Variants in CLDN16 observed in about 807,000 individuals in gnomAD.
CLDN16 encodes the protein claudin 16, also known as claudin-16.
CLDN16 carries 13 observed loss-of-function variants against 24.6 expected under a neutral mutation model. The observed-to-expected ratio is 0.53, with a 90% CI of 0.34 to 0.84. The LOEUF (loss-of-function observed/expected upper bound fraction) is 0.84, where lower values mean the gene tolerates loss of function less well. Among genes scored for constraint, CLDN16 ranks in the 40% least tolerant of loss-of-function variants. CLDN16 has a pLI of 0.01. For missense variants in CLDN16, 298 were observed against 292.7 expected, an observed-to-expected ratio of 1.02 and a Z score of -0.13; for synonymous variants, 116 against 106.7, an observed-to-expected ratio of 1.09 and a Z score of -0.54.
At chr3:190,338,980 C>G (rs980712923) in intron 1 of CLDN16, among the ~76,000 whole-genome samples, 3 of 152,158 alleles carry the variant, frequency 2.0e-5, no homozygotes, top group African/African-American at 7.2e-5. Flanking sequence ...AGCTACCTCA[C>G]CCAGAAATGC....
At chr3:190,408,806 C>T (rs184376147) in intron 4 of CLDN16, among the ~76,000 whole-genome samples, 72 of 144,390 alleles carry the variant, frequency 5.0e-4, no homozygotes, top group Middle Eastern at 7.9e-3. Context: ...ATATACATAC[C>T]GTATATATAC....
Position 190,402,446 on chromosome 3 carries a change from A to C in CLDN16, c.217+7A>C. The C allele has an allele frequency of 6.3e-7, 1 of 1,599,074 alleles. No individual in the cohort carries two copies. Among genetic ancestry groups the C allele is most frequent in the Non-Finnish European group, 8.6e-7 (1 of 1,166,468 alleles). On this transcript the variant is annotated splice_region_variant and intron_variant, in intron 2 of 4. Transcript: ENST00000264734. ...ATACTTGCGGAGCATCCCTGTACGTATGCCTTAGAGCTCACTGCTTGCCAG... is the reference window on the plus strand; with the variant it reads ...ATACTTGCGGAGCATCCCTGTACGTCTGCCTTAGAGCTCACTGCTTGCCAG...
intron 1 of CLDN16, among the ~76,000 whole-genome samples, chr3:190,362,179 T>C (rs1043622586): frequency 6.6e-6 from 1 of 151,976 alleles, no homozygotes; most frequent in Non-Finnish European, 1.5e-5. Context: ...TGTGTGTCCA[T>C]GTCCTTGTTC....
intron 1 of CLDN16, among the ~76,000 whole-genome samples, chr3:190,342,182 C>A (rs1246704322): frequency 2.6e-5 from 4 of 152,162 alleles, no homozygotes; most frequent in Non-Finnish European, 5.9e-5. Flanking sequence ...TCAGGAGCAC[C>A]CCACTCTGCT....
chr3:190,312,737 G>A, the CLDN16 span: 233,570 of 931,762 alleles, frequency 0.25, 29,987 homozygotes, highest in Middle Eastern at 0.33. Flanking sequence ...GAACATGAAA[G>A]TCAACTGGAC....
intron 1 of CLDN16, among the ~76,000 whole-genome samples, chr3:190,342,474 T>TA (rs368261171): frequency 0.039 from 5,957 of 152,172 alleles, 392 homozygotes; most frequent in African/African-American, 0.13. Context: ...TACAATAGCA[T>TA]AAAAATTGAA....
At chr3:190,314,598 T>G in the CLDN16 span, among the ~76,000 whole-genome samples, 25 of 151,768 alleles carry the variant, frequency 1.6e-4, no homozygotes, top group Non-Finnish European at 3.1e-4. Context: ...AGAGATGGGT[T>G]TCACCATGTT....
chr3:190,366,408 T>G (rs1051537609), intron 1 of CLDN16, among the ~76,000 whole-genome samples: 1 of 151,868 alleles, frequency 6.6e-6, no homozygotes, highest in Non-Finnish European at 1.5e-5. Context: ...AGCTGGTTAG[T>G]AGGTGATCTA....
intron 1 of CLDN16, among the ~76,000 whole-genome samples, chr3:190,362,387 A>G (rs2108642163): frequency 6.6e-6 from 1 of 152,010 alleles, no homozygotes; most frequent in South Asian, 2.1e-4. Flanking sequence ...ACAGCAAGAA[A>G]ACCTCACTTC....
At chr3:190,395,962 C>T (rs548095745) in intron 1 of CLDN16, among the ~76,000 whole-genome samples, 1 of 152,070 alleles carries the variant, frequency 6.6e-6, no homozygotes, top group South Asian at 2.1e-4. Flanking sequence ...AGATAAATGC[C>T]GAACATTGTT....
At chr3:190,308,350 C>T in the CLDN16 span, 95 of 1,613,596 alleles carry the variant, frequency 5.9e-5, no homozygotes, top group African/African-American at 1.2e-4. Flanking sequence ...GGTTGTTTTT[C>T]GGGGACAGGA....
chr3:190,294,479 A>G, the CLDN16 span, among the ~76,000 whole-genome samples: 1 of 152,134 alleles, frequency 6.6e-6, no homozygotes, highest in Admixed American at 6.5e-5. Context: ...TAATTTTTAA[A>G]TTTTCTGGAT....
At chr3:190,362,899 G>A (rs979140986) in intron 1 of CLDN16, among the ~76,000 whole-genome samples, 1 of 151,838 alleles carries the variant, frequency 6.6e-6, no homozygotes, top group Non-Finnish European at 1.5e-5. Flanking sequence ...GCTCTTTTAA[G>A]ATGCTCACCT....
chr3:190,302,659 T>C, the CLDN16 span, among the ~76,000 whole-genome samples: 12 of 151,908 alleles, frequency 7.9e-5, no homozygotes, highest in Admixed American at 4.6e-4. Flanking sequence ...TAATCACAGC[T>C]ACTTGAGAGG....
At chr3:190,350,697 A>G (rs1003953815) in intron 1 of CLDN16, among the ~76,000 whole-genome samples, 21 of 151,940 alleles carry the variant, frequency 1.4e-4, no homozygotes, top group African/African-American at 4.4e-4. Context: ...TGGCATTGAA[A>G]CCTATTACTG....
the CLDN16 span, chr3:190,305,960 G>C: frequency 6.6e-6 from 1 of 152,130 alleles, no homozygotes; most frequent in Non-Finnish European, 1.5e-5. Flanking sequence ...TGTGGCAAAA[G>C]CCATTTAAAT....
chr3:190,394,019 C>G lies in CLDN16; in HGVS notation c.114+5576C>G, dbSNP rs193189652. On this transcript the variant is annotated intron_variant, in intron 1 of 4. Coordinates refer to ENST00000264734, the MANE Select transcript of CLDN16 (RefSeq NM_006580.4). ...CCGCCCACCTCATCCTCCCAAAGTGCTGGGATTACAGGTGTGAACCAGCAT... is the reference window on the plus strand; with the variant it reads ...CCGCCCACCTCATCCTCCCAAAGTGGTGGGATTACAGGTGTGAACCAGCAT... 3.4e-3 allele frequency among the ~76,000 whole-genome samples: 520 copies of G among 152,212 alleles called. 4 individuals carry two copies. Among genetic ancestry groups the G allele is most frequent in the African/African-American group, 0.012 (497 of 41,546 alleles).
chr3:190,373,449 T>A (rs1718184117), intron 2 of CLDN16, among the ~76,000 whole-genome samples: 1 of 152,020 alleles, frequency 6.6e-6, no homozygotes, highest in African/African-American at 2.4e-5. Flanking sequence ...ACATTTGTTC[T>A]CTGATTCTCA....
intron 1 of CLDN16, among the ~76,000 whole-genome samples, chr3:190,329,126 G>A (rs965722986): frequency 1.3e-5 from 2 of 151,998 alleles, no homozygotes; most frequent in African/African-American, 2.4e-5. Context: ...GTTATTTTTT[G>A]GGGGGGAGGC....
Sources: gnomAD v4.1 joint callset for allele counts (sites outside exome capture counted in the v4.1 genomes callset) on GRCh38, gnomAD v4.1.1 for gene constraint, MANE v1.5 for transcripts, NCBI Gene and HGNC (gene_info 2026-07-23, HGNC 2026-07-21) for gene names.